KIF13A: variants seen among roughly 807,000 people sequenced by gnomAD.
KIF13A encodes kinesin family member 13A, also known as kinesin-like protein KIF13A.
Under a neutral mutation model 212.2 loss-of-function variants are expected in KIF13A, and 79 were observed. The observed-to-expected ratio is 0.37, with a 90% CI of 0.31 to 0.45. The LOEUF (loss-of-function observed/expected upper bound fraction) is 0.45. KIF13A is among the 20% of genes least tolerant of loss of function. The pLI is 1.00. For missense variants in KIF13A, 1,901 were observed against 2,209.0 expected (o/e 0.86, Z 2.79); for synonymous variants, 789 against 808.6 (o/e 0.98, Z 0.41).
rs868201775 is a variant in KIF13A at position 17,934,889 on chromosome 6, A to C, written c.147-36709T>G. Among the ~76,000 whole-genome samples the C allele has an allele frequency of 3.2e-4, 48 of 152,172 alleles. No homozygotes were observed. Among genetic ancestry groups the C allele is most frequent in the African/African-American group, 1.0e-3 (43 of 41,446 alleles). On this transcript the variant is annotated intron_variant, in intron 2 of 38. Coordinates refer to ENST00000259711, the MANE Select transcript of KIF13A (RefSeq NM_022113.6). This position sits in a 1 kb window ranked among gnomAD's most constrained non-coding sequence, Gnocchi z 5.4. ...TGTGACTCAATTTTCACTAGTAATA[A>C]CCAAACATATCAGTTTCACAAGGGT...
At chr6:17,788,975 G>A (rs1581926294) in intron 26 of KIF13A, among the ~76,000 whole-genome samples, 1 of 151,716 alleles carries the variant, frequency 6.6e-6, no homozygotes, top group Non-Finnish European at 1.5e-5. Flanking sequence ...CACCTGCCTC[G>A]GCCTCCCAAA....
chr6:17,907,655 G>A (rs1773640187), intron 2 of KIF13A, among the ~76,000 whole-genome samples: 4 of 152,128 alleles, frequency 2.6e-5, no homozygotes. Context: ...CTGAAGAGGG[G>A]TATAAATAAA....
At chr6:17,874,952 C>CTTTTTTTTTTTTTTT (rs1217572840) in intron 3 of KIF13A, among the ~76,000 whole-genome samples, 1 of 145,286 alleles carries the variant, frequency 6.9e-6, no homozygotes, top group Non-Finnish European at 1.5e-5. Flanking sequence ...TAATTCATTC[C>CTTTTTTTTTTTTTTT]TTTTTATGGC....
At chr6:17,798,730 A>G (rs992715254) in intron 22 of KIF13A, among the ~76,000 whole-genome samples, 4 of 152,216 alleles carry the variant, frequency 2.6e-5, no homozygotes, top group Admixed American at 2.0e-4. Context: ...ATCCAACCAC[A>G]TTCACCACAA....
rs1766063386 is a variant in KIF13A, at chr6:17,837,387, T to C, written c.942+85A>G. On this transcript the variant is annotated intron_variant, in intron 10 of 38. Transcript: ENST00000259711. The surrounding 1 kb of genome is among the most constrained non-coding windows in gnomAD (Gnocchi z 5.4). ...TCATCAGGAGAGTTCTTTAGGTATTTGGTTAGCTTTGTACACACCTTTACT... is the reference window on the plus strand; with the variant it reads ...TCATCAGGAGAGTTCTTTAGGTATTCGGTTAGCTTTGTACACACCTTTACT... 2 of 862,874 alleles carry C rather than the reference T, an allele frequency of 2.3e-6. No homozygotes were observed. The highest frequency in any genetic ancestry group is 3.7e-6 in the Non-Finnish European group (2 of 542,020). The allele number at this position is 862,874 out of a possible 1,614,324, so 53.5% of individuals were successfully genotyped here. A position where few individuals can be genotyped will look rare whatever the true frequency, so the allele number is the denominator to read the frequency against.
In KIF13A at chr6:17,987,006, C is replaced by A; in HGVS notation, c.146+48G>T. Reference sequence around the variant, plus strand: ...ATTTTCCTGGCTCAAACTTGCGGGACCCCGCGAGGCTGGATCCTCCCAGCC... The same window carrying A: ...ATTTTCCTGGCTCAAACTTGCGGGAACCCGCGAGGCTGGATCCTCCCAGCC... On this transcript the variant is annotated intron_variant, in intron 2 of 38. Transcript: ENST00000259711. This position sits in a 1 kb window ranked among gnomAD's most constrained non-coding sequence, Gnocchi z 7.7. 1.4e-6 allele frequency: 2 copies of A among 1,420,344 alleles called. No homozygotes were observed. The highest frequency in any genetic ancestry group is 2.0e-6 in the Non-Finnish European group (2 of 1,004,870). The allele number at this position is 1,420,344 out of a possible 1,614,324, so 88.0% of individuals were successfully genotyped here.
chr6:17,952,131 G>A (rs1318352278), intron 2 of KIF13A, among the ~76,000 whole-genome samples: 3 of 151,608 alleles, frequency 2.0e-5, no homozygotes, highest in South Asian at 4.2e-4. Context: ...GTGAAACCCC[G>A]TCTCTACTAA....
At chr6:17,814,173 G>T (rs1291559272) in intron 17 of KIF13A, among the ~76,000 whole-genome samples, 1 of 150,604 alleles carries the variant, frequency 6.6e-6, no homozygotes, top group East Asian at 2.0e-4. Flanking sequence ...GGATGGTCTT[G>T]ATCTCCTGAC....
intron 2 of KIF13A, among the ~76,000 whole-genome samples, chr6:17,925,581 C>G (rs770538272): frequency 6.6e-6 from 1 of 152,180 alleles, no homozygotes; most frequent in Admixed American, 6.5e-5. Context: ...AGACAACTCA[C>G]AAGAGAAAGC....
intron 6 of KIF13A, among the ~76,000 whole-genome samples, chr6:17,854,546 ATTTTTTTTTTTTTTT>A (rs36073765): frequency 6.5e-5 from 5 of 77,094 alleles, no homozygotes; most frequent in African/African-American, 2.2e-4. Context: ...AATCAGTATA[ATTTTTTTTTTTTTTT>A]TTTTTTTTTT....
rs1026001654 is a variant in KIF13A at position 17,843,201 on chromosome 6, C to T, written c.831-5618G>A. 2.0e-5 allele frequency among the ~76,000 whole-genome samples: 3 copies of T among 152,100 alleles called. No homozygotes were observed. The highest frequency in any genetic ancestry group is 2.9e-5 in the Non-Finnish European group (2 of 68,020). ...GAAAGCACTCAGTAAATATCTGCAG[C>T]GTTAATCTGAATCTAGATTCAGTGA... On this transcript the variant is annotated intron_variant, in intron 9 of 38. Transcript: ENST00000259711. The surrounding 1 kb of genome is among the most constrained non-coding windows in gnomAD (Gnocchi z 5.3).
At chr6:17,966,799 C>G (rs1254451252) in intron 2 of KIF13A, among the ~76,000 whole-genome samples, 1 of 148,102 alleles carries the variant, frequency 6.8e-6, no homozygotes. Context: ...TAATAACACA[C>G]ACTAAGAAAA....
intron 4 of KIF13A, among the ~76,000 whole-genome samples, chr6:17,865,234 C>T (rs1222164145): frequency 6.6e-6 from 1 of 152,114 alleles, no homozygotes; most frequent in East Asian, 1.9e-4. Flanking sequence ...AATATTTGAA[C>T]ACGATCAATA....
Position 17,817,003 on chromosome 6 carries a change from C to A in KIF13A, c.2000+17G>T. 6.3e-7 allele frequency: 1 copy of A among 1,595,006 alleles called. No homozygotes were observed. The highest frequency in any genetic ancestry group is 1.1e-5 in the South Asian group (1 of 89,374). The stretch of plus-strand genomic sequence containing the variant: ...CTTGGGGCCTTGACTCTGGGCTGCC[C>A]CCGCTGCAGTTCTTACCTCTCTTCT... On this transcript the variant is annotated intron_variant, in intron 17 of 38. Transcript: ENST00000259711.
At chr6:17,845,654 C>T (rs1365295249) in intron 9 of KIF13A, among the ~76,000 whole-genome samples, 5 of 152,188 alleles carry the variant, frequency 3.3e-5, no homozygotes, top group Non-Finnish European at 5.9e-5. Flanking sequence ...CTGAAGCAGC[C>T]AGACTGCAAT....
chr6:17,937,577 G>A (rs1433869200), intron 2 of KIF13A, among the ~76,000 whole-genome samples: 2 of 152,140 alleles, frequency 1.3e-5, no homozygotes, highest in East Asian at 1.9e-4. Flanking sequence ...GCATTGAAGT[G>A]ATTTATTTGA....
Position 17,829,769 on chromosome 6 carries a change from G to T in KIF13A, c.1401+1332C>A, listed in dbSNP as rs1485258071. Among the ~76,000 whole-genome samples the T allele has an allele frequency of 2.6e-5, 4 of 152,112 alleles. No individual in the cohort carries two copies. The South Asian group carries it at 6.2e-4, about 24-fold the overall frequency. ...TGAACAGATCTTAAGTTTGTTGGGG[G>T]ACTCTCAATAACTCAGGGGCTATTT... On this transcript the variant is annotated intron_variant, in intron 13 of 38. Transcript: ENST00000259711. This position sits in a 1 kb window ranked among gnomAD's most constrained non-coding sequence, Gnocchi z 5.4.
intron 4 of KIF13A, among the ~76,000 whole-genome samples, chr6:17,863,864 T>C (rs967257082): frequency 6.6e-6 from 1 of 152,206 alleles, no homozygotes; most frequent in Non-Finnish European, 1.5e-5. Flanking sequence ...TTTCTCAGCA[T>C]AGGAAAAGAC....
chr6:17,933,524 G>A (rs916327145), intron 2 of KIF13A, among the ~76,000 whole-genome samples: 11 of 151,198 alleles, frequency 7.3e-5, no homozygotes, highest in African/African-American at 2.7e-4. Flanking sequence ...GATTATAGGT[G>A]TGGGCCACAA....
Sources: gnomAD v4.1 joint callset for allele counts (sites outside exome capture counted in the v4.1 genomes callset) on GRCh38, gnomAD v4.1.1 for gene constraint, Gnocchi (gnomAD v3.1) non-coding constraint, MANE v1.5 for transcripts, NCBI Gene and HGNC (gene_info 2026-07-23, HGNC 2026-07-21) for gene names.